KDM4C: variants seen among roughly 807,000 people sequenced by gnomAD.
KDM4C encodes the protein lysine-specific demethylase 4C.
A neutral mutation model predicts 129.3 loss-of-function variants in KDM4C; 81 were observed. That is an observed-to-expected ratio of 0.63 (90% CI 0.52 to 0.75). KDM4C has a LOEUF of 0.75. KDM4C is among the 30% of genes least tolerant of loss of function. The probability of loss-of-function intolerance (pLI) is 0.00; values close to 1 mark genes in which losing one functional copy is unlikely to be tolerated. For synonymous variants in KDM4C, 573 were observed against 456.1 expected, an observed-to-expected ratio of 1.26 and a Z score of -3.26; for missense variants, 1,457 against 1,304.0, an observed-to-expected ratio of 1.12 and a Z score of -1.81.
At chr9:7,041,833 G>T (rs1828656183) in intron 15 of KDM4C, among the ~76,000 whole-genome samples, 1 of 152,018 alleles carries the variant, frequency 6.6e-6, no homozygotes, top group Non-Finnish European at 1.5e-5. Flanking sequence ...CTGAAGATCT[G>T]CCTGCCTTTC....
At position 7,131,303 on chromosome 9, in the gene KDM4C, C is replaced by G. The variant is rs559907005; in HGVS notation, c.2781+3067C>G. Among the ~76,000 whole-genome samples, 6 of 152,298 alleles carry G rather than the reference C, an allele frequency of 3.9e-5. No individual in the cohort carries two copies. The South Asian group carries it at 1.2e-3, about 32-fold the overall frequency. ...TGTTAGCTGCTGTAGCCTCTTCCCT[C>G]TCTTACTTTGGTGATGAATGAGGCT... On this transcript the variant is annotated intron_variant, in intron 19 of 21. Coordinates refer to ENST00000381309, the MANE Select transcript of KDM4C (RefSeq NM_015061.6).
At chr9:6,991,456 G>T (rs577933208) in intron 12 of KDM4C, among the ~76,000 whole-genome samples, 2 of 152,148 alleles carry the variant, frequency 1.3e-5, no homozygotes, top group African/African-American at 4.8e-5. Context: ...TCCCTGATTC[G>T]TAAGTGTCTT....
intron 19 of KDM4C, among the ~76,000 whole-genome samples, chr9:7,133,957 G>A (rs1840917006): frequency 6.6e-6 from 1 of 152,152 alleles, no homozygotes; most frequent in South Asian, 2.1e-4. Context: ...ATGCATATAT[G>A]GCATTGGCAG....
intron 18 of KDM4C, among the ~76,000 whole-genome samples, chr9:7,122,265 A>ACACACTCTCTCTCTCT (rs375655422): frequency 1.4e-5 from 2 of 144,820 alleles, no homozygotes; most frequent in African/African-American, 5.2e-5. Flanking sequence ...ACACACACAC[A>ACACACTCTCTCTCTCT]CTCTCTCTCT....
At chr9:6,884,152 A>G (rs984774645) in intron 6 of KDM4C, among the ~76,000 whole-genome samples, 2 of 152,040 alleles carry the variant, frequency 1.3e-5, no homozygotes, top group Admixed American at 1.3e-4. Flanking sequence ...GCTGGTAGAG[A>G]TGTTGATGGA....
chr9:6,941,660 A>T (rs777718144), intron 8 of KDM4C: 1 of 151,976 alleles, frequency 6.6e-6, no homozygotes, highest in African/African-American at 2.4e-5. Context: ...TGTCAGATCT[A>T]TGCCACTGCC....
rs373766234 is a variant in KDM4C at position 7,165,315 on chromosome 9, T to C, written c.2859T>C (p.Tyr953=). ...VQVKWPDGKL[Y]GAKYFGSNIA... is the part of the protein sequence containing the mutation. ...TCAAGTGGCCCGATGGCAAACTCTA[T>C]GGAGCAAAATATTTTGGATCAAATA... The change falls in exon 20 of 22, where the codon TAT becomes TAC. Residue 953 remains tyrosine, a synonymous_variant. Transcript: ENST00000381309. The C allele has an allele frequency of 3.1e-6, 5 of 1,614,056 alleles. No homozygotes were observed. The African/African-American group carries it at 5.3e-5, about 17-fold the overall frequency.
chr9:7,138,073 TTAAA>T (rs1292307263), intron 19 of KDM4C, among the ~76,000 whole-genome samples: 1 of 152,234 alleles, frequency 6.6e-6, no homozygotes, highest in African/African-American at 2.4e-5. Context: ...TTTTGCATTA[TTAAA>T]TAAATTATAA....
rs111798796 is a variant in KDM4C at position 6,915,802 on chromosome 9, GC to G, written c.921+22571del. Among the ~76,000 whole-genome samples, 894 of 152,250 alleles carry G rather than the reference GC, an allele frequency of 5.9e-3. 13 individuals are homozygous for G. Among genetic ancestry groups the G allele is most frequent in the African/African-American group, 0.02 (846 of 41,542 alleles). ...TTTACACTTCCAGCTTCCTTTGGAA[GC>G]TGCCTGTTAATAGTGATGACGTTAT... On this transcript the variant is annotated intron_variant, in intron 8 of 21. Coordinates refer to ENST00000381309, the MANE Select transcript of KDM4C (RefSeq NM_015061.6).
chr9:6,786,154 G>A (rs866778644), intron 1 of KDM4C, among the ~76,000 whole-genome samples: 30 of 152,238 alleles, frequency 2.0e-4, no homozygotes, highest in African/African-American at 7.2e-4. Context: ...AGAAACACAG[G>A]TGTAGACAGG....
chr9:6,775,530 GT>G (rs577729908), intron 1 of KDM4C, among the ~76,000 whole-genome samples: 80 of 150,514 alleles, frequency 5.3e-4, no homozygotes, highest in Admixed American at 8.0e-4. Context: ...CTAGCAAATG[GT>G]TTTTTTTTGA....
intron 12 of KDM4C, among the ~76,000 whole-genome samples, chr9:6,994,680 G>T (rs929013762): frequency 1.1e-4 from 17 of 152,126 alleles, no homozygotes; most frequent in African/African-American, 3.9e-4. Flanking sequence ...AAAAAGTTAA[G>T]TACCTCAACG....
chr9:6,904,816 T>C (rs998060929), intron 8 of KDM4C, among the ~76,000 whole-genome samples: 2 of 152,114 alleles, frequency 1.3e-5, no homozygotes, highest in Admixed American at 1.3e-4. Context: ...ATTTGGAAGA[T>C]ACGAGAGGAA....
chr9:7,036,948 T>C (rs1260522903), intron 15 of KDM4C, among the ~76,000 whole-genome samples: 1 of 152,182 alleles, frequency 6.6e-6, no homozygotes, highest in East Asian at 1.9e-4. Context: ...GATTTGCAAA[T>C]TTGTGGAATT....
intron 5 of KDM4C, among the ~76,000 whole-genome samples, chr9:6,859,357 C>T (rs1271115155): frequency 1.3e-5 from 2 of 151,642 alleles, no homozygotes; most frequent in Non-Finnish European, 2.9e-5. Flanking sequence ...CGCCTGTAGT[C>T]CCAGCTACTC....
chr9:6,782,316 A>G (rs982299724), intron 1 of KDM4C, among the ~76,000 whole-genome samples: 1 of 152,330 alleles, frequency 6.6e-6, no homozygotes. Flanking sequence ...CCAGATAGGC[A>G]CCACTGAGGA....
intron 13 of KDM4C, among the ~76,000 whole-genome samples, chr9:7,013,515 A>G (rs1823073449): frequency 6.6e-6 from 1 of 152,214 alleles, no homozygotes; most frequent in South Asian, 2.1e-4. Context: ...CTTTCCACGA[A>G]CTAATTTTGG....
At chr9:6,764,185 G>C (rs548808248) in intron 1 of KDM4C, among the ~76,000 whole-genome samples, 2 of 152,308 alleles carry the variant, frequency 1.3e-5, no homozygotes, top group African/African-American at 2.4e-5. Flanking sequence ...CTAGAGAATG[G>C]TAGGAGTACT....
chr9:6,782,401 A>G (rs188644889), intron 1 of KDM4C, among the ~76,000 whole-genome samples: 18 of 152,284 alleles, frequency 1.2e-4, no homozygotes, highest in African/African-American at 4.3e-4. Flanking sequence ...TGCTCCTACT[A>G]ACTTGGGACC....
Sources: gnomAD v4.1 joint callset for allele counts (sites outside exome capture counted in the v4.1 genomes callset) on GRCh38, gnomAD v4.1.1 for gene constraint, MANE v1.5 for transcripts, NCBI Gene and HGNC (gene_info 2026-07-23, HGNC 2026-07-21) for gene names.